Variants in ZBBX observed in about 807,000 individuals in gnomAD.
ZBBX encodes the protein zinc finger B-box domain containing, also known as zinc finger B-box domain-containing protein 1.
A neutral mutation model predicts 108.5 loss-of-function variants in ZBBX; 101 were observed. That is an observed-to-expected ratio of 0.93 (90% confidence interval 0.79 to 1.10). ZBBX has a LOEUF of 1.10. Among genes scored for constraint, ZBBX ranks in the 50% least tolerant of loss-of-function variants. The probability of loss-of-function intolerance (pLI) is 0.00; values close to 1 mark genes in which losing one functional copy is unlikely to be tolerated. For missense variants in ZBBX, 1,009 were observed against 941.4 expected (o/e 1.07, Z -0.94); for synonymous variants, 356 against 323.4 (o/e 1.10, Z -1.08).
chr3:167,383,386 TG>T (rs1747808936), upstream of ZBBX, among the ~76,000 whole-genome samples: 1 of 152,064 alleles, frequency 6.6e-6, no homozygotes, highest in Non-Finnish European at 1.5e-5. Flanking sequence ...TTTTTCAACT[TG>T]TCAAGAAAAC....
intron 20 of ZBBX, among the ~76,000 whole-genome samples, chr3:167,280,457 A>C (rs1482590061): frequency 6.6e-6 from 1 of 150,944 alleles, no homozygotes; most frequent in East Asian, 1.9e-4. Context: ...ATGAACAGAC[A>C]CTTCTCAAAA....
chr3:167,186,703 G>T, the ZBBX span, among the ~76,000 whole-genome samples: 5 of 151,942 alleles, frequency 3.3e-5, no homozygotes, highest in African/African-American at 1.2e-4. Flanking sequence ...ATACATAAAG[G>T]GTTTCTGCAA....
chr3:167,407,791 G>A lies in ZBBX; in HGVS notation c.-511C>T, dbSNP rs1229865027. The stretch of plus-strand genomic sequence containing the variant: ...TCTTGCTGATTCAGGGGTGGCAGAG[G>A]TGAAAGCAAATCTCACGCAGTCGAC... On this transcript the variant is annotated 5_prime_UTR_variant, in exon 1 of 22. Coordinates refer to the ZBBX transcript ENST00000455345. 2.0e-5 allele frequency among the ~76,000 whole-genome samples: 3 copies of A among 152,016 alleles called. No homozygotes were observed. In the East Asian group the frequency reaches 5.8e-4, roughly 29 times the overall value.
chr3:167,217,078 G>A, the ZBBX span, among the ~76,000 whole-genome samples: 3 of 151,986 alleles, frequency 2.0e-5, no homozygotes, highest in African/African-American at 4.8e-5. Flanking sequence ...GTTTCATGAC[G>A]AAGATGCCAA....
chr3:167,308,582 G>A (rs1173224326), intron 16 of ZBBX, among the ~76,000 whole-genome samples: 3 of 152,124 alleles, frequency 2.0e-5, no homozygotes, highest in Admixed American at 6.5e-5. Flanking sequence ...TGACAGACTG[G>A]ATAAAGAAAA....
At chr3:167,188,276 C>G in the ZBBX span, among the ~76,000 whole-genome samples, 1 of 151,988 alleles carries the variant, frequency 6.6e-6, no homozygotes, top group Admixed American at 6.5e-5. Context: ...CTGCTTCTGA[C>G]CTTTTAGTAA....
rs1742438210 is a variant in ZBBX, at chr3:167,350,494, C to G, written c.454G>C (p.Asp152His). The G allele has an allele frequency of 6.3e-7, 1 of 1,588,306 alleles. No individual in the cohort carries two copies. Among genetic ancestry groups the G allele is most frequent in the Non-Finnish European group, 8.6e-7 (1 of 1,164,956 alleles). Residue 152 changes from aspartate (D) to histidine (H), a missense_variant, in exon 9 of 22, where the codon GAT (aspartate) becomes CAT (histidine). Transcript: ENST00000675490. ...TTAGCAAAGCATCCTGAACAATAAT[C>G]TTCTCCACATTCAAGGCATACCTAA... ...ALLVCLECGEDYCSGCFAKVH... is the reference protein window; with the variant it reads ...ALLVCLECGEHYCSGCFAKVH...
At chr3:167,234,307 T>C in the ZBBX span, among the ~76,000 whole-genome samples, 4 of 151,994 alleles carry the variant, frequency 2.6e-5, no homozygotes, top group East Asian at 7.8e-4. Flanking sequence ...GGAACACTCA[T>C]TTGAAATAAA....
At chr3:167,385,254 G>T (rs574616336), upstream of ZBBX, among the ~76,000 whole-genome samples, 1 of 152,036 alleles carries the variant, frequency 6.6e-6, no homozygotes, top group African/African-American at 2.4e-5. Context: ...GCATGCTACT[G>T]TACTGAATAC....
upstream of ZBBX, among the ~76,000 whole-genome samples, chr3:167,380,866 G>GCACACACACACACACACA (rs59349359): frequency 7.1e-6 from 1 of 141,340 alleles, no homozygotes; most frequent in African/African-American, 2.6e-5. Flanking sequence ...GCAAATATAT[G>GCACACACACACACACACA]CACACACACA....
At chr3:167,269,455 A>C (rs1576829355) in intron 20 of ZBBX, among the ~76,000 whole-genome samples, 1 of 152,206 alleles carries the variant, frequency 6.6e-6, no homozygotes, top group Admixed American at 6.5e-5. Flanking sequence ...TTAGTCTAAA[A>C]GGATTCCTTG....
At chr3:167,387,523 C>A (rs924567448) in intron 1 of ZBBX, among the ~76,000 whole-genome samples, 1 of 151,810 alleles carries the variant, frequency 6.6e-6, no homozygotes, top group African/African-American at 2.4e-5. Context: ...AATTACTGTT[C>A]TGGATAGAAA....
intron 19 of ZBBX, among the ~76,000 whole-genome samples, chr3:167,287,492 C>CT (rs1011045581): frequency 6.6e-6 from 1 of 152,068 alleles, no homozygotes; most frequent in African/African-American, 2.4e-5. Flanking sequence ...ATACTGGACT[C>CT]TAAGCTCTTA....
chr3:167,237,732 A>T (rs1720289053), downstream of ZBBX, among the ~76,000 whole-genome samples: 1 of 151,998 alleles, frequency 6.6e-6, no homozygotes, highest in African/African-American at 2.4e-5. Context: ...GAGGAACCTC[A>T]TGTTTAATTT....
intron 10 of ZBBX, among the ~76,000 whole-genome samples, chr3:167,330,730 TGCAACAGAGCAAG>T (rs1176742335): frequency 6.7e-6 from 1 of 149,088 alleles, no homozygotes; most frequent in Non-Finnish European, 1.5e-5. Context: ...TTCTAGTCTG[TGCAACAGAGCAAG>T]ACTCTGTCTC....
chr3:167,191,934 T>TATATAGAGAG, the ZBBX span, among the ~76,000 whole-genome samples: 80 of 130,220 alleles, frequency 6.1e-4, no homozygotes, highest in African/African-American at 1.7e-3. Flanking sequence ...TATATATATA[T>TATATAGAGAG]AGAGCAAGTT....
chr3:167,325,479 G>A (rs546069855), intron 11 of ZBBX, among the ~76,000 whole-genome samples: 4 of 152,196 alleles, frequency 2.6e-5, no homozygotes, highest in East Asian at 3.9e-4. Flanking sequence ...ACCTCTCGCC[G>A]GGGCCCTCCC....
chr3:167,206,674 C>T, the ZBBX span, among the ~76,000 whole-genome samples: 1 of 151,560 alleles, frequency 6.6e-6, no homozygotes, highest in Admixed American at 6.6e-5. Context: ...TATAAAAGAC[C>T]CCTAATAGCA....
At chr3:167,368,434 C>T (rs757731079) in intron 5 of ZBBX, 27 bp downstream of exon 5, 53 of 1,513,554 alleles carry the variant, frequency 3.5e-5, no homozygotes, top group Non-Finnish European at 4.2e-5. Context: ...GTTGATTCAT[C>T]TAAAATTCTC....
Sources: allele counts gnomAD v4.1 joint callset (sites outside exome capture counted in the v4.1 genomes callset), GRCh38; gene constraint gnomAD v4.1.1; transcripts MANE v1.5; gene names NCBI Gene and HGNC (gene_info 2026-07-23, HGNC 2026-07-21).